GPR180: variants seen among roughly 807,000 people sequenced by gnomAD.
GPR180 encodes the protein G protein-coupled receptor 180.
Under a neutral mutation model 52.6 loss-of-function variants are expected in GPR180, and 53 were observed. The ratio of observed to expected loss-of-function variants is 1.01; its 90% CI spans 0.81 to 1.27. The LOEUF (loss-of-function observed/expected upper bound fraction) is 1.27, where lower values mean the gene tolerates loss of function less well. Ranked by LOEUF, GPR180 falls within the 50% of genes most tolerant of loss-of-function variation. The probability of loss-of-function intolerance (pLI) is 0.00; values close to 1 mark genes in which losing one functional copy is unlikely to be tolerated. For synonymous variants in GPR180, 200 were observed against 193.1 expected, an observed-to-expected ratio of 1.04 and a Z score of -0.30; for missense variants, 533 against 527.0, an observed-to-expected ratio of 1.01 and a Z score of -0.11.
At position 94,631,658 on chromosome 13, in the gene GPR180, CAATGCTGAAAAA is replaced by C. The variant is rs1217132603; in HGVS notation, c.*4488_*4499del. ...AAAAATATTTTTGAGTGAATGAAGG[CAATGCTGAAAAA>C]GTTCCAAATCTGTACTTAACAGTGT... On this transcript the variant is annotated 3_prime_UTR_variant, in exon 9 of 9. Transcript: ENST00000376958. The C allele has an allele frequency of 6.7e-6, 1 of 148,228 alleles. No homozygotes were observed. Among genetic ancestry groups the C allele is most frequent in the African/African-American group, 2.5e-5 (1 of 39,982 alleles). 9.2% of individuals were successfully genotyped at this position (148,228 alleles called of 1,614,324 possible).
intron 6 of GPR180, 131 bp from the exon 7 acceptor site, chr13:94,622,978 A>T: frequency 9.2e-6 from 6 of 649,078 alleles, no homozygotes; most frequent in Non-Finnish European, 1.3e-5. Context: ...TACTTTATTA[A>T]TTAACAACCT....
At chr13:94,626,960 T>A (rs764042815) in intron 8 of GPR180, 53 bp from the exon 9 acceptor site, 2 of 1,273,652 alleles carry the variant, frequency 1.6e-6, no homozygotes, top group Middle Eastern at 4.1e-4. Context: ...AAATTGAATA[T>A]TATTTCTCTA....
Position 94,634,502 on chromosome 13 carries a change from A to G in GPR180, c.*7331A>G, listed in dbSNP as rs977264215. 6.6e-6 allele frequency: 1 copy of G among 152,088 alleles called. No individual in the cohort carries two copies. Among genetic ancestry groups the G allele is most frequent in the East Asian group, 1.9e-4 (1 of 5,202 alleles). 9.4% of individuals were successfully genotyped at this position (152,088 alleles called of 1,614,324 possible). A position where few individuals can be genotyped will look rare whatever the true frequency, so the allele number is the denominator to read the frequency against. On this transcript the variant is annotated 3_prime_UTR_variant, in exon 9 of 9. Transcript: ENST00000376958. Reference sequence around the variant, plus strand: ...CTCTTGTACATTTCTTGATATGAATATGTTAATGTTTTCTTTCATTATGTT... The same window carrying G: ...CTCTTGTACATTTCTTGATATGAATGTGTTAATGTTTTCTTTCATTATGTT...
intron 2 of GPR180, among the ~76,000 whole-genome samples, chr13:94,605,890 G>A (rs1412473413): frequency 6.6e-6 from 1 of 152,218 alleles, no homozygotes; most frequent in Non-Finnish European, 1.5e-5. Context: ...TGCCAGCACT[G>A]AGCTAAATGC....
chr13:94,627,101 T>C lies in GPR180; in HGVS notation c.1253T>C (p.Val418Ala). ...LFLSHSLYWE[V>A]SSLSSVTLPL... ...CTGTCTCACAGTCTATACTGGGAAG[T>C]TTCTTCACTTTCTTCAGTAACACTA... The change falls in exon 9 of 9, where the codon GTT becomes GCT. Residue 418 changes from valine (V) to alanine (A), a missense_variant. Coordinates refer to ENST00000376958, the MANE Select transcript of GPR180 (RefSeq NM_180989.6). 6.2e-7 allele frequency: 1 copy of C among 1,613,176 alleles called. No individual in the cohort carries two copies. The highest frequency in any genetic ancestry group is 8.5e-7 in the Non-Finnish European group (1 of 1,179,444).
chr13:94,602,874 G>T lies in GPR180; in HGVS notation c.145+802G>T, dbSNP rs564916744. Among the ~76,000 whole-genome samples the T allele has an allele frequency of 1.6e-3, 248 of 152,226 alleles. 1 individual carries two copies. The highest frequency in any genetic ancestry group is 5.6e-3 in the African/African-American group (234 of 41,528). ...TGGTACTCTTAATTTGACTAGTGCT[G>T]TATTTCAAATAATTATTTGCCTTGA... On this transcript the variant is annotated intron_variant, in intron 1 of 8. Transcript: ENST00000376958.
At position 94,601,936 on chromosome 13, in the gene GPR180, G is replaced by T. The variant is rs961691083; in HGVS notation, c.9G>T (p.Gly3=). The change falls in exon 1 of 9, where the codon GGG becomes GGT. Residue 3 remains glycine, a synonymous_variant. Coordinates refer to ENST00000376958, the MANE Select transcript of GPR180 (RefSeq NM_180989.6). MG[G]LRLLAVALTC... is the part of the protein sequence containing the mutation. ...CAGACCTGGAGACGGGCATGGGGGG[G>T]CTGCGGCTGCTGGCTGTGGCCCTCA... The T allele has an allele frequency of 8.0e-6, 12 of 1,493,642 alleles. No homozygotes were observed. The African/African-American group carries it at 1.4e-4, about 18-fold the overall frequency. 92.5% of individuals were successfully genotyped at this position (1,493,642 alleles called of 1,614,324 possible). A position where few individuals can be genotyped will look rare whatever the true frequency, so the allele number is the denominator to read the frequency against.
In GPR180 at chr13:94,626,909, G is replaced by A. The variant is rs991539505; in HGVS notation, c.1165-104G>A. The A allele has an allele frequency of 7.4e-6, 6 of 805,788 alleles. No homozygotes were observed. In the African/African-American group the frequency reaches 1.1e-4, roughly 15 times the overall value. The allele number at this position is 805,788 out of a possible 1,614,324, so 49.9% of individuals were successfully genotyped here. A position where few individuals can be genotyped will look rare whatever the true frequency, so the allele number is the denominator to read the frequency against. On this transcript the variant is annotated intron_variant, in intron 8 of 8. Transcript: ENST00000376958. ...GTACCTATGGTAAAGATGAAAGATA[G>A]AGTATTGTATTTATATAAAAAGCAT...
intron 1 of GPR180, among the ~76,000 whole-genome samples, chr13:94,603,640 A>C (rs1378439354): frequency 6.6e-6 from 1 of 152,186 alleles, no homozygotes; most frequent in African/African-American, 2.4e-5. Flanking sequence ...AAAATATGTA[A>C]TCAATTTATG....
intron 2 of GPR180, among the ~76,000 whole-genome samples, chr13:94,609,678 A>G (rs1345924548): frequency 3.3e-5 from 5 of 152,062 alleles, no homozygotes; most frequent in Non-Finnish European, 7.4e-5. Context: ...CATATATTAA[A>G]TTCTTACTAA....
In GPR180 at chr13:94,632,796, C is replaced by A. The variant is rs975412211; in HGVS notation, c.*5625C>A. On this transcript the variant is annotated 3_prime_UTR_variant, in exon 9 of 9. Coordinates refer to ENST00000376958, the MANE Select transcript of GPR180 (RefSeq NM_180989.6). The stretch of plus-strand genomic sequence containing the variant: ...GGATTAGAGGGTTGGAGTTTTGAGT[C>A]ATATGATATTAGCCCAACCTCTGAG... 4 of 152,168 alleles carry A rather than the reference C, an allele frequency of 2.6e-5. No individual in the cohort carries two copies. Among genetic ancestry groups the A allele is most frequent in the Non-Finnish European group, 5.9e-5 (4 of 68,048 alleles). 9.4% of individuals were successfully genotyped at this position (152,168 alleles called of 1,614,324 possible). A position where few individuals can be genotyped will look rare whatever the true frequency, so the allele number is the denominator to read the frequency against.
intron 5 of GPR180, among the ~76,000 whole-genome samples, chr13:94,620,290 T>G (rs1566980990): frequency 6.6e-6 from 1 of 152,052 alleles, no homozygotes; most frequent in Admixed American, 6.5e-5. Flanking sequence ...AAAACTCACA[T>G]CAAAATATGC....
In GPR180 at chr13:94,633,369, C is replaced by T. The variant is rs1379740022; in HGVS notation, c.*6198C>T. On this transcript the variant is annotated 3_prime_UTR_variant, in exon 9 of 9. Transcript: ENST00000376958. Reference sequence around the variant, plus strand: ...ACACTTAACAGAAAATTACGTTGTACTCTCTGTACGGATAATTTTCGGTTA... The same window carrying T: ...ACACTTAACAGAAAATTACGTTGTATTCTCTGTACGGATAATTTTCGGTTA... 2.6e-5 allele frequency: 4 copies of T among 152,114 alleles called. No individual in the cohort carries two copies. The highest frequency in any genetic ancestry group is 9.7e-5 in the African/African-American group (4 of 41,430). The allele number at this position is 152,114 out of a possible 1,614,324, so 9.4% of individuals were successfully genotyped here. A position where few individuals can be genotyped will look rare whatever the true frequency, so the allele number is the denominator to read the frequency against.
chr13:94,618,837 C>A (rs1382905223), intron 3 of GPR180, among the ~76,000 whole-genome samples: 1 of 152,084 alleles, frequency 6.6e-6, no homozygotes, highest in Non-Finnish European at 1.5e-5. Flanking sequence ...ATGCTGAAAT[C>A]ATTATTTTCA....
At chr13:94,617,641 A>T (rs191194319) in intron 3 of GPR180, among the ~76,000 whole-genome samples, 3 of 152,252 alleles carry the variant, frequency 2.0e-5, no homozygotes, top group African/African-American at 7.2e-5. Context: ...AGCCTGATTG[A>T]GCTATTTATT....
In GPR180 at chr13:94,627,252, A is replaced by G; in HGVS notation, c.*81A>G. Reference sequence around the variant, plus strand: ...CCAAATACAGTGACTTTTTTTTCATACATTTAGTATGAAAACTTGAACAGC... The same window carrying G: ...CCAAATACAGTGACTTTTTTTTCATGCATTTAGTATGAAAACTTGAACAGC... On this transcript the variant is annotated 3_prime_UTR_variant, in exon 9 of 9. Transcript: ENST00000376958. 8.4e-7 allele frequency: 1 copy of G among 1,193,496 alleles called. No individual in the cohort carries two copies. The highest frequency in any genetic ancestry group is 1.3e-5 in the South Asian group (1 of 74,264). The allele number at this position is 1,193,496 out of a possible 1,614,324, so 73.9% of individuals were successfully genotyped here. A position where few individuals can be genotyped will look rare whatever the true frequency, so the allele number is the denominator to read the frequency against.
chr13:94,602,431 T>C (rs1889571294), intron 1 of GPR180, among the ~76,000 whole-genome samples: 1 of 151,902 alleles, frequency 6.6e-6, no homozygotes, highest in Non-Finnish European at 1.5e-5. Context: ...TGCTCCTTCC[T>C]GTCTCGGCCA....
At chr13:94,602,288 G>T (rs115211842) in intron 1 of GPR180, among the ~76,000 whole-genome samples, 4,258 of 152,284 alleles carry the variant, frequency 0.028, 206 homozygotes, top group African/African-American at 0.095. Context: ...CCAGGCAGCG[G>T]CCTCTCGCCA....
At chr13:94,611,631 G>A (rs1889705484) in intron 2 of GPR180, among the ~76,000 whole-genome samples, 1 of 152,016 alleles carries the variant, frequency 6.6e-6, no homozygotes, top group Non-Finnish European at 1.5e-5. Flanking sequence ...GCCAGTGCTG[G>A]TTGTGTCCTT....
Sources: allele counts gnomAD v4.1 joint callset (sites outside exome capture counted in the v4.1 genomes callset), GRCh38; gene constraint gnomAD v4.1.1; transcripts MANE v1.5; gene names NCBI Gene and HGNC (gene_info 2026-07-23, HGNC 2026-07-21).